WASHC4: variants seen among roughly 807,000 people sequenced by gnomAD.
WASHC4 encodes the protein WASH complex subunit 7.
Under a neutral mutation model 166.6 loss-of-function variants are expected in WASHC4, and 86 were observed. That is an observed-to-expected ratio of 0.52 (90% CI 0.43 to 0.62). The LOEUF is 0.62. Among genes scored for constraint, WASHC4 ranks in the 20% least tolerant of loss-of-function variants. WASHC4 has a pLI of 0.00. For synonymous variants in WASHC4, 446 were observed against 451.6 expected (o/e 0.99, Z 0.16); for missense variants, 1,262 against 1,382.4 (o/e 0.91, Z 1.38).
At chr12:105,119,979 C>T (rs1420872801) in intron 7 of WASHC4, among the ~76,000 whole-genome samples, 1 of 152,152 alleles carries the variant, frequency 6.6e-6, no homozygotes, top group Non-Finnish European at 1.5e-5. Flanking sequence ...GCCTGTAATC[C>T]CAGCTCTCAG....
intron 29 of WASHC4, among the ~76,000 whole-genome samples, chr12:105,162,037 A>T (rs191738641): frequency 5.3e-5 from 8 of 152,356 alleles, no homozygotes; most frequent in African/African-American, 1.7e-4. Context: ...GGCTTACTGT[A>T]TGTACTGGAT....
chr12:105,146,176 A>G (rs983289312), intron 22 of WASHC4, among the ~76,000 whole-genome samples: 3 of 152,162 alleles, frequency 2.0e-5, no homozygotes, highest in Non-Finnish European at 4.4e-5. Flanking sequence ...AATATTCTCA[A>G]GGCTGGTGGG....
intron 2 of WASHC4, among the ~76,000 whole-genome samples, chr12:105,112,773 G>C (rs1260954685): frequency 1.3e-5 from 2 of 151,930 alleles, no homozygotes; most frequent in East Asian, 1.9e-4. Flanking sequence ...TTGCATTATA[G>C]GACAAGTATT....
chr12:105,130,524 AT>A (rs1304690699), intron 13 of WASHC4, among the ~76,000 whole-genome samples: 2 of 152,242 alleles, frequency 1.3e-5, no homozygotes, highest in East Asian at 3.8e-4. Context: ...CTTAGCAGTT[AT>A]GTCAAGGAAA....
chr12:105,144,939 T>C, intron 22 of WASHC4, 67 bp downstream of exon 22: 2 of 1,464,236 alleles, frequency 1.4e-6, no homozygotes, highest in Admixed American at 1.8e-5. Flanking sequence ...TTTAAGGAAG[T>C]CTTTTTTCTT....
Position 105,133,897 on chromosome 12 carries a change from G to A in WASHC4, c.1326+1G>A, listed in dbSNP as rs1483822200. The A allele has an allele frequency of 6.2e-7, 1 of 1,610,752 alleles. No homozygotes were observed. Among genetic ancestry groups the A allele is most frequent in the African/African-American group, 1.3e-5 (1 of 74,836 alleles). On this transcript the variant is annotated splice_donor_variant, in intron 14 of 32. Transcript: ENST00000332180. LOFTEE classifies it high-confidence loss of function. ...CAATAGATGTAATGTTTTTATACAG[G>A]TAGTTGCATCTTATTTCGGGGAATC...
At chr12:105,156,634 A>G (rs1490426957) in intron 26 of WASHC4, 92 bp from the exon 27 acceptor site, 23 of 1,085,164 alleles carry the variant, frequency 2.1e-5, no homozygotes, top group Non-Finnish European at 1.4e-6. Context: ...TAGGAGTGGA[A>G]ACCTTGTAAT....
chr12:105,155,788 G>C (rs889936349), intron 26 of WASHC4, among the ~76,000 whole-genome samples: 2 of 152,212 alleles, frequency 1.3e-5, no homozygotes, highest in Non-Finnish European at 2.9e-5. Context: ...GTTGCAGTGA[G>C]CTGAGATCAT....
intron 24 of WASHC4, chr12:105,147,587 A>T (rs1883407221): frequency 9.9e-7 from 1 of 1,009,970 alleles, no homozygotes; most frequent in African/African-American, 1.7e-5. Flanking sequence ...GGAACTTACT[A>T]AAAATATATT....
chr12:105,164,028 A>G, intron 30 of WASHC4, 83 bp from the exon 31 acceptor site: 2 of 1,171,944 alleles, frequency 1.7e-6, no homozygotes, highest in Non-Finnish European at 2.6e-6. Flanking sequence ...CAGAATGCTT[A>G]GTGTTGGGAA....
intron 13 of WASHC4, among the ~76,000 whole-genome samples, chr12:105,127,856 C>T (rs1592864444): frequency 6.6e-6 from 1 of 151,914 alleles, no homozygotes; most frequent in African/African-American, 2.4e-5. Flanking sequence ...TTTTTGTATA[C>T]GTCCTTATTT....
In WASHC4 at chr12:105,162,840, C is replaced by T; in HGVS notation, c.3152C>T (p.Ala1051Val). The change falls in exon 30 of 33, where the codon GCC (alanine) becomes GTC (valine). Residue 1051 changes from alanine to valine, a missense_variant. Transcript: ENST00000332180. ...GCTGCCTTTACTGATGATGGCTTTG[C>T]CATGGGTAAGCTTAATGGAATTGTT... ...IGAAFTDDGF[A>V]MGVAYILKLL... The T allele has an allele frequency of 6.4e-7, 1 of 1,559,786 alleles. No individual in the cohort carries two copies. The highest frequency in any genetic ancestry group is 8.8e-7 in the Non-Finnish European group (1 of 1,134,934).
At chr12:105,108,560 T>C (rs1474306739) in intron 1 of WASHC4, among the ~76,000 whole-genome samples, 1 of 152,230 alleles carries the variant, frequency 6.6e-6, no homozygotes, top group African/African-American at 2.4e-5. Context: ...TGTCTGATTT[T>C]AACTTAGAAG....
Position 105,118,533 on chromosome 12 carries a change from T to C in WASHC4, c.518+5T>C. 1.9e-6 allele frequency: 3 copies of C among 1,563,674 alleles called. No homozygotes were observed. The highest frequency in any genetic ancestry group is 2.6e-6 in the Non-Finnish European group (3 of 1,133,938). ...TGCCCTCTATATCAGTAACAAGTAA[T>C]GGATTTTAGAAATATTTTTGCTTTT... On this transcript the variant is annotated splice_donor_5th_base_variant and intron_variant, in intron 7 of 32. Coordinates refer to ENST00000332180, the MANE Select transcript of WASHC4 (RefSeq NM_015275.3).
chr12:105,117,354 T>G (rs1236850583), intron 6 of WASHC4, among the ~76,000 whole-genome samples: 1 of 152,228 alleles, frequency 6.6e-6, no homozygotes, highest in Non-Finnish European at 1.5e-5. Flanking sequence ...AAATTTTGCT[T>G]TTTTAATGTA....
At chr12:105,133,972 C>A in intron 14 of WASHC4, 76 bp downstream of exon 14, 2 of 1,365,020 alleles carry the variant, frequency 1.5e-6, no homozygotes, top group Non-Finnish European at 2.1e-6. Context: ...AAAAACTGAA[C>A]AAAGGGTAGA....
chr12:105,142,687 A>G, intron 19 of WASHC4, 129 bp downstream of exon 19: 1 of 636,336 alleles, frequency 1.6e-6, no homozygotes, highest in Non-Finnish European at 2.8e-6. Flanking sequence ...CTGCATATTC[A>G]TAAAGTGTTT....
intron 7 of WASHC4, among the ~76,000 whole-genome samples, chr12:105,119,750 A>G (rs1380898020): frequency 6.6e-6 from 1 of 152,238 alleles, no homozygotes; most frequent in East Asian, 1.9e-4. Context: ...TATGCATTCT[A>G]TCTTGTGGAA....
At chr12:105,158,735 T>C (rs1244463797) in intron 28 of WASHC4, among the ~76,000 whole-genome samples, 1 of 152,190 alleles carries the variant, frequency 6.6e-6, no homozygotes, top group East Asian at 1.9e-4. Context: ...TAACAGTGTT[T>C]TGTGGCTTTG....
Sources: allele counts gnomAD v4.1 joint callset (sites outside exome capture counted in the v4.1 genomes callset), GRCh38; gene constraint gnomAD v4.1.1; transcripts MANE v1.5; gene names NCBI Gene and HGNC (gene_info 2026-07-23, HGNC 2026-07-21).